Variants in DMD observed in about 807,000 individuals in gnomAD.
DMD encodes the protein mutant dystrophin.
Under a neutral mutation model 330.1 loss-of-function variants are expected in DMD, and 63 were observed. That is an observed-to-expected ratio of 0.19 (90% confidence interval 0.16 to 0.24). The LOEUF is 0.24. Among genes scored for constraint, DMD ranks in the 10% least tolerant of loss-of-function variants. The pLI is 1.00. For missense variants in DMD, 3,344 were observed against 2,684.1 expected, an observed-to-expected ratio of 1.25 and a Z score of -5.43; for synonymous variants, 1,223 against 959.8, an observed-to-expected ratio of 1.27 and a Z score of -5.07.
At chrX:33,230,804 C>A (rs1363783416) in intron 1 of DMD, among the ~76,000 whole-genome samples, 1 of 111,129 alleles carries the variant, frequency 9.0e-6, no homozygotes, top group African/African-American at 3.3e-5. Flanking sequence ...AGCCACTTAA[C>A]CAACGTGCTA....
intron 44 of DMD, among the ~76,000 whole-genome samples, chrX:32,010,249 T>C (rs146145701): frequency 3.2e-3 from 362 of 112,129 alleles, no homozygotes; most frequent in Non-Finnish European, 5.1e-3. Flanking sequence ...TCCATATCTA[T>C]TAAATACCAT....
chrX:31,739,495 G>C lies in DMD; in HGVS notation c.7543-9747C>G, dbSNP rs193044223. Among the ~76,000 whole-genome samples, 243 of 110,643 alleles carry C rather than the reference G, an allele frequency of 2.2e-3. 3 individuals carry two copies. The highest frequency in any genetic ancestry group is 8.3e-4 in the Non-Finnish European group (44 of 52,855). On this transcript the variant is annotated intron_variant, in intron 51 of 78. Coordinates refer to ENST00000357033, the MANE Select transcript of DMD (RefSeq NM_004006.3). ...AATGTTTCAATTTGTTGATATTTTGGGGAGTTAAAAAAACTCTTAAGCCTA... is the reference window on the plus strand; with the variant it reads ...AATGTTTCAATTTGTTGATATTTTGCGGAGTTAAAAAAACTCTTAAGCCTA...
chrX:33,258,021 G>T (rs1329905291), intron 1 of DMD, among the ~76,000 whole-genome samples: 1 of 111,241 alleles, frequency 9.0e-6, no homozygotes, highest in Non-Finnish European at 1.9e-5. Flanking sequence ...TTCCAAAAAA[G>T]TCTGAGGAAA....
chrX:31,552,518 G>A (rs968807160), intron 55 of DMD, among the ~76,000 whole-genome samples: 1 of 111,238 alleles, frequency 9.0e-6, no homozygotes, highest in Non-Finnish European at 1.9e-5. Context: ...GAGGCAGCAC[G>A]ACCTTGGAGA....
At chrX:31,422,294 G>A (rs1031051850) in intron 60 of DMD, among the ~76,000 whole-genome samples, 1 of 110,539 alleles carries the variant, frequency 9.0e-6, no homozygotes, top group African/African-American at 3.3e-5. Flanking sequence ...ATAGGCATGG[G>A]CCACCGCACC....
At chrX:33,162,647 C>T (rs1437957517) in intron 1 of DMD, among the ~76,000 whole-genome samples, 1 of 111,101 alleles carries the variant, frequency 9.0e-6, no homozygotes, top group Non-Finnish European at 1.9e-5. Flanking sequence ...AAAACACACG[C>T]ACACACCAAA....
chrX:32,662,641 C>A (rs1455394859), intron 9 of DMD, among the ~76,000 whole-genome samples: 1 of 111,504 alleles, frequency 9.0e-6, no homozygotes, highest in Non-Finnish European at 1.9e-5. Context: ...CATAAACTCC[C>A]AATTATTCTG....
chrX:31,478,829 AT>A (rs1341366465), intron 58 of DMD, among the ~76,000 whole-genome samples, 153 bp downstream of exon 58: 2 of 110,220 alleles, frequency 1.8e-5, no homozygotes, highest in African/African-American at 6.6e-5. Flanking sequence ...ATGAGTCCTT[AT>A]TTTTTTTTCA....
intron 3 of DMD, among the ~76,000 whole-genome samples, chrX:32,845,938 T>A (rs1173791523): frequency 8.9e-6 from 1 of 112,279 alleles, no homozygotes; most frequent in Non-Finnish European, 1.9e-5. Context: ...TCTCTGCATT[T>A]GAGGTCAAAG....
intron 16 of DMD, among the ~76,000 whole-genome samples, chrX:32,563,775 TC>T (rs2051347478): frequency 8.9e-6 from 1 of 112,148 alleles, no homozygotes; most frequent in South Asian, 3.7e-4. Flanking sequence ...TATAGTGTAT[TC>T]CCAAGAAGCT....
chrX:31,594,740 G>A (rs1452833727), intron 55 of DMD, among the ~76,000 whole-genome samples: 1 of 110,841 alleles, frequency 9.0e-6, no homozygotes, highest in Non-Finnish European at 1.9e-5. Flanking sequence ...AAAATTGGGT[G>A]TGGAGTAGTT....
chrX:31,881,396 C>CAAAAAAAAA (rs34731646), intron 47 of DMD, among the ~76,000 whole-genome samples: 7 of 80,989 alleles, frequency 8.6e-5, no homozygotes, highest in East Asian at 3.8e-4. Flanking sequence ...ACTAAAAATA[C>CAAAAAAAAA]AAAAAAAAAA....
intron 11 of DMD, among the ~76,000 whole-genome samples, chrX:32,629,309 T>C (rs186242766): frequency 9.8e-5 from 11 of 112,050 alleles, no homozygotes; most frequent in Admixed American, 1.9e-4. Flanking sequence ...TTGAAACCTA[T>C]TTTGTCTGAT....
At chrX:31,524,106 C>T (rs971926846) in intron 55 of DMD, among the ~76,000 whole-genome samples, 18 of 112,023 alleles carry the variant, frequency 1.6e-4, no homozygotes, top group African/African-American at 4.9e-4. Context: ...ACTATAAATT[C>T]AAATGATGGC....
In DMD at chrX:32,951,568, C is replaced by T. The variant is rs1418391791; in HGVS notation, c.93+68571G>A. ...CTGTTGAGATGAATTACTTGACAGT[C>T]AGTAGAAAAATTCTTCCCATGGGTT... On this transcript the variant is annotated intron_variant, in intron 2 of 78. Transcript: ENST00000357033. Among the ~76,000 whole-genome samples, 6 of 111,198 alleles carry T rather than the reference C, an allele frequency of 5.4e-5. No individual in the cohort carries two copies. In the East Asian group the frequency reaches 1.4e-3, roughly 26 times the overall value.
chrX:32,964,255 C>CAAAAAAAAAAAAAAAAAAAAAAAAAAA (rs781702491), intron 2 of DMD, among the ~76,000 whole-genome samples: 6 of 35,184 alleles, frequency 1.7e-4, no homozygotes, highest in African/African-American at 6.8e-4. Flanking sequence ...GACTCCATCT[C>CAAAAAAAAAAAAAAAAAAAAAAAAAAA]AAAAAAAAAA....
At chrX:31,219,863 T>TAC (rs1301920181) in intron 64 of DMD, among the ~76,000 whole-genome samples, 2 of 40,486 alleles carry the variant, frequency 4.9e-5, no homozygotes, top group African/African-American at 1.4e-4. Flanking sequence ...CACACTTATA[T>TAC]ACACATATTG....
At chrX:32,585,719 AAAAAAAAAAAAG>A (rs1258022734) in intron 13 of DMD, among the ~76,000 whole-genome samples, 1 of 103,582 alleles carries the variant, frequency 9.7e-6, no homozygotes, top group Non-Finnish European at 2.0e-5. Flanking sequence ...AAAAAAAAAA[AAAAAAAAAAAAG>A]AATATTATTG....
At chrX:32,300,606 G>T (rs1406307875) in intron 42 of DMD, among the ~76,000 whole-genome samples, 1 of 111,826 alleles carries the variant, frequency 8.9e-6, no homozygotes, top group Admixed American at 9.6e-5. Flanking sequence ...TTTGTGTTAA[G>T]TTGTACACAT....
Sources: allele counts gnomAD v4.1 joint callset (sites outside exome capture counted in the v4.1 genomes callset), GRCh38; gene constraint gnomAD v4.1.1; transcripts MANE v1.5; gene names NCBI Gene and HGNC (gene_info 2026-07-23, HGNC 2026-07-21).